The following ARFGAP1 variants were observed in gnomAD, a reference collection of about 807,000 sequenced individuals.
ARFGAP1 encodes the protein ADP-ribosylation factor GTPase-activating protein 1.
ARFGAP1 carries 26 observed loss-of-function variants against 54.0 expected under a neutral mutation model. The observed-to-expected ratio is 0.48, with a 90% CI of 0.35 to 0.67. The LOEUF (loss-of-function observed/expected upper bound fraction) is 0.67, where lower values mean the gene tolerates loss of function less well. Among genes scored for constraint, ARFGAP1 ranks in the 30% least tolerant of loss-of-function variants. The pLI, the probability that ARFGAP1 is intolerant of heterozygous loss-of-function variation, is 0.00. For missense variants in ARFGAP1, 525 were observed against 535.8 expected, an observed-to-expected ratio of 0.98 and a Z score of 0.20; for synonymous variants, 248 against 211.9, an observed-to-expected ratio of 1.17 and a Z score of -1.48.
chr20:63,287,416 A>G, intron 12 of ARFGAP1, 148 bp from the exon 13 acceptor site: 1 of 663,772 alleles, frequency 1.5e-6, no homozygotes, highest in Non-Finnish European at 2.4e-6. Context: ...CGGGAGAAAC[A>G]GATCCCACCT....
intron 1 of ARFGAP1, among the ~76,000 whole-genome samples, chr20:63,273,759 G>A (rs901797937): frequency 1.3e-5 from 2 of 152,182 alleles, no homozygotes; most frequent in African/African-American, 2.4e-5. Flanking sequence ...AAGCCCCGAG[G>A]GCAGACGTGG....
In ARFGAP1 at chr20:63,287,793, G is replaced by A. The variant is rs748023715; in HGVS notation, c.1141G>A (p.Gly381Arg). 42 of 1,595,942 alleles carry A rather than the reference G, an allele frequency of 2.6e-5. 1 individual carries two copies. Among genetic ancestry groups the A allele is most frequent in the African/African-American group, 1.9e-4 (14 of 74,594 alleles). The change falls in exon 13 of 13, where the codon GGG (glycine) becomes AGG (arginine). Residue 381 changes from glycine to arginine, a missense_variant. By Grantham distance (125) the Gly-to-Arg change is moderately radical. Coordinates refer to ENST00000370283, the MANE Select transcript of ARFGAP1 (RefSeq NM_018209.4). Reference protein sequence around the residue: ...STNRNSNSDGGEGGEGTKKAV... With the variant: ...STNRNSNSDGREGGEGTKKAV... ...CAACAGGAACAGCAACAGCGACGGC[G>A]GGGAGGGCGGGGAGGGCACCAAGAA...
rs1379167478 is a variant in ARFGAP1 at position 63,278,114 on chromosome 20, C to T, written c.444-3C>T. The T allele has an allele frequency of 3.1e-6, 5 of 1,613,590 alleles. No homozygotes were observed. The African/African-American group carries it at 5.3e-5, about 17-fold the overall frequency. ...CTTACCAGCCTTCGATTCTCGGTTT[C>T]AGAGTCTCTGGCCAGCCGCAGAGTG... On this transcript the variant is annotated splice_polypyrimidine_tract_variant and splice_region_variant and intron_variant, in intron 5 of 12. Transcript: ENST00000370283.
In ARFGAP1 at chr20:63,287,974, T is replaced by G. The variant is rs766774804; in HGVS notation, c.*101T>G. ...TCCATTTGACCCAAGAATCAGCAAC[T>G]GCAGTGTGAGGACAGCGTCTCGGGA... On this transcript the variant is annotated 3_prime_UTR_variant, in exon 13 of 13. Transcript: ENST00000370283. 7 of 1,311,072 alleles carry G rather than the reference T, an allele frequency of 5.3e-6. No homozygotes were observed. The Middle Eastern group carries it at 1.1e-3, about 203-fold the overall frequency. The allele number at this position is 1,311,072 out of a possible 1,614,324, so 81.2% of individuals were successfully genotyped here.
rs13042357 is a variant in ARFGAP1, at chr20:63,285,027, C to T, written c.774+105C>T. Reference sequence around the variant, plus strand: ...TGTTTGTCCAGCAGCTGGGACTCAGCGAGGCCAAGCCTCACACCCCACCTC... The same window carrying T: ...TGTTTGTCCAGCAGCTGGGACTCAGTGAGGCCAAGCCTCACACCCCACCTC... On this transcript the variant is annotated intron_variant, in intron 10 of 12. Coordinates refer to ENST00000370283, the MANE Select transcript of ARFGAP1 (RefSeq NM_018209.4). 593,605 of 1,365,306 alleles carry T rather than the reference C, an allele frequency of 0.43. 135,017 individuals carry two copies. Among genetic ancestry groups the T allele is most frequent in the East Asian group, 0.62 (24,962 of 40,014 alleles). 84.6% of individuals were successfully genotyped at this position (1,365,306 alleles called of 1,614,324 possible).
At chr20:63,285,290 G>C (rs943716257) in intron 10 of ARFGAP1, among the ~76,000 whole-genome samples, 1 of 152,164 alleles carries the variant, frequency 6.6e-6, no homozygotes, top group Non-Finnish European at 1.5e-5. Flanking sequence ...CTCTGGTATG[G>C]GAATGATGCC....
Position 63,276,278 on chromosome 20 carries a change from C to A in ARFGAP1, c.170+78C>A. 2 of 1,531,382 alleles carry A rather than the reference C, an allele frequency of 1.3e-6. No homozygotes were observed. Among genetic ancestry groups the A allele is most frequent in the Non-Finnish European group, 1.8e-6 (2 of 1,110,062 alleles). The allele number at this position is 1,531,382 out of a possible 1,614,324, so 94.9% of individuals were successfully genotyped here. A position where few individuals can be genotyped will look rare whatever the true frequency, so the allele number is the denominator to read the frequency against. On this transcript the variant is annotated intron_variant, in intron 3 of 12. Transcript: ENST00000370283. The surrounding 1 kb of genome is among the most constrained non-coding windows in gnomAD (Gnocchi z 5.2). ...CTGTTCCTGACACCAGAGGTGCTGA[C>A]GCCAGGGAAGCTTGGGGGCCACCTC...
intron 5 of ARFGAP1, 150 bp downstream of exon 5, chr20:63,277,455 A>G (rs1420682971): frequency 2.3e-5 from 16 of 682,890 alleles, no homozygotes; most frequent in Non-Finnish European, 3.6e-5. Flanking sequence ...AAATTGCCAA[A>G]ACAATACAAG....
At chr20:63,279,211 T>C (rs1338674506) in intron 7 of ARFGAP1, 2 of 664,346 alleles carry the variant, frequency 3.0e-6, no homozygotes, top group Admixed American at 4.2e-5. Context: ...TTTTTTTTTT[T>C]TTTTTAAGAC....
intron 10 of ARFGAP1, 82 bp downstream of exon 10, chr20:63,285,004 T>C (rs952724183): frequency 4.0e-5 from 61 of 1,525,638 alleles, no homozygotes; most frequent in Middle Eastern, 1.7e-4. Flanking sequence ...AGGGGGATTG[T>C]TTGTCCAGCA....
chr20:63,284,385 A>G, intron 9 of ARFGAP1: 1 of 1,065,346 alleles, frequency 9.4e-7, no homozygotes, highest in Non-Finnish European at 1.1e-6. Context: ...CCTCGACTCC[A>G]CTGACCCAGG....
At chr20:63,286,299 G>A in intron 11 of ARFGAP1, 67 bp from the exon 12 acceptor site, 2 of 1,601,794 alleles carry the variant, frequency 1.2e-6, no homozygotes, top group Non-Finnish European at 1.7e-6. Context: ...GCTTGCGTGT[G>A]GGGGCCTCCT....
intron 5 of ARFGAP1, 55 bp downstream of exon 5, chr20:63,277,360 A>G: frequency 6.9e-7 from 1 of 1,441,034 alleles, no homozygotes; most frequent in South Asian, 1.3e-5. Flanking sequence ...TGAACTTAGT[A>G]GATTGGGTTT....
At position 63,282,827 on chromosome 20, in the gene ARFGAP1, G is replaced by C; in HGVS notation, c.693G>C (p.Lys231Asn). Residue 231 changes from lysine to asparagine, a missense_variant, in exon 9 of 13, where the codon AAG becomes AAC. Coordinates refer to ENST00000370283, the MANE Select transcript of ARFGAP1 (RefSeq NM_018209.4). ...FASAAKEGAT[K>N]FGSQASQKAS... ...TTTGTTTTTCATTTTAGGCTACAAA[G>C]TTTGGATCCCAAGCGAGTCAGAAGG... is the stretch of plus-strand genomic sequence containing the variant. The C allele has an allele frequency of 1.9e-6, 3 of 1,614,088 alleles. No individual in the cohort carries two copies. The South Asian group carries it at 3.3e-5, about 18-fold the overall frequency.
chr20:63,282,279 C>T (rs989002947), intron 8 of ARFGAP1, among the ~76,000 whole-genome samples: 5 of 152,260 alleles, frequency 3.3e-5, no homozygotes, highest in African/African-American at 1.2e-4. Flanking sequence ...GCCGTTTTCT[C>T]GTCTGCACGG....
rs539298099 is a variant in ARFGAP1, at chr20:63,283,806, C to G, written c.717+955C>G. ...GCGCTGCTGGTTACTAATGCCGCCC[C>G]TCACCTTGCTCTCTCCTCACCTGTC... is the stretch of plus-strand genomic sequence containing the variant. On this transcript the variant is annotated intron_variant, in intron 9 of 12. Coordinates refer to ENST00000370283, the MANE Select transcript of ARFGAP1 (RefSeq NM_018209.4). 65 of 1,610,872 alleles carry G rather than the reference C, an allele frequency of 4.0e-5. No homozygotes were observed. The South Asian group carries it at 6.6e-4, about 16-fold the overall frequency.
intron 9 of ARFGAP1, chr20:63,283,216 C>T (rs1030090400): frequency 1.1e-5 from 4 of 360,728 alleles, no homozygotes; most frequent in African/African-American, 2.1e-5. Flanking sequence ...GCTGTGCCTG[C>T]GGCACACTGG....
Position 63,276,917 on chromosome 20 carries a change from C to T in ARFGAP1, c.342+266C>T, listed in dbSNP as rs1342172154. On this transcript the variant is annotated intron_variant, in intron 4 of 12. Coordinates refer to ENST00000370283, the MANE Select transcript of ARFGAP1 (RefSeq NM_018209.4). This position sits in a 1 kb window ranked among gnomAD's most constrained non-coding sequence, Gnocchi z 5.2. ...TATTGCCTCTGTGACATGTTGGGCA[C>T]AGTGTTTCTAAGAAGTCTGGAGGCC... Among the ~76,000 whole-genome samples, 1 of 152,184 alleles carries T rather than the reference C, an allele frequency of 6.6e-6. No individual in the cohort carries two copies.
At chr20:63,275,380 G>A (rs2067209218) in intron 1 of ARFGAP1, among the ~76,000 whole-genome samples, 197 bp from the exon 2 acceptor site, 1 of 152,178 alleles carries the variant, frequency 6.6e-6, no homozygotes, top group East Asian at 1.9e-4. Context: ...GCCTCCTGGG[G>A]GTATGGGGAA....
Sources: allele counts gnomAD v4.1 joint callset (sites outside exome capture counted in the v4.1 genomes callset), GRCh38; gene constraint gnomAD v4.1.1; non-coding constraint Gnocchi (gnomAD v3.1); transcripts MANE v1.5; gene names NCBI Gene and HGNC (gene_info 2026-07-23, HGNC 2026-07-21).